Variants in FAIM2 observed in about 807,000 individuals in gnomAD.
FAIM2 encodes the protein protein lifeguard 2.
A neutral mutation model predicts 47.4 loss-of-function variants in FAIM2; 27 were observed. The ratio of observed to expected loss-of-function variants is 0.57; its 90% CI spans 0.42 to 0.78. FAIM2 has a LOEUF of 0.78. FAIM2 is among the 30% of genes least tolerant of loss of function. The pLI, the probability that FAIM2 is intolerant of heterozygous loss-of-function variation, is 0.00. For missense variants in FAIM2, 311 were observed against 389.4 expected (o/e 0.80, Z 1.69); for synonymous variants, 156 against 159.3 (o/e 0.98, Z 0.16).
At chr12:49,878,705 TGCATATATGCGTGTGTGTCTGTGTGC>T (rs1946767409) in intron 11 of FAIM2, among the ~76,000 whole-genome samples, 1 of 108,820 alleles carries the variant, frequency 9.2e-6, no homozygotes. Context: ...TGTGCATGTG[TGCATATATGCGTGTGTGTCTGTGTGC>T]ATGTGAGTGT....
intron 11 of FAIM2, among the ~76,000 whole-genome samples, chr12:49,880,314 A>G (rs2137088773): frequency 7.1e-6 from 1 of 140,996 alleles, no homozygotes; most frequent in African/African-American, 2.8e-5. Flanking sequence ...GCATGTGTGT[A>G]TGTGTATGTG....
chr12:49,879,252 ATG>A lies in FAIM2; in HGVS notation c.801+8132_801+8133del, dbSNP rs1215732241. 1.2e-4 allele frequency among the ~76,000 whole-genome samples: 13 copies of A among 112,424 alleles called. 3 individuals carry two copies. Among genetic ancestry groups the A allele is most frequent in the South Asian group, 6.6e-4 (2 of 3,014 alleles). 73.8% of individuals were successfully genotyped at this position (112,424 alleles called of 152,430 possible). On this transcript the variant is annotated intron_variant, in intron 11 of 11. Transcript: ENST00000320634. ...TGTATGTATGCATGCATGTGTGTGCATGTGTGTATGTGTGCATGTGTATATGT... is the reference window on the plus strand; with the variant it reads ...TGTATGTATGCATGCATGTGTGTGCATGTGTATGTGTGCATGTGTATATGT...
At chr12:49,887,729 G>A (rs768053978) in intron 10 of FAIM2, among the ~76,000 whole-genome samples, 7 of 152,074 alleles carry the variant, frequency 4.6e-5, no homozygotes, top group Non-Finnish European at 7.4e-5. Context: ...GATGACTCTC[G>A]GTGGGCCCTG....
In FAIM2 at chr12:49,867,084, G is replaced by A. The variant is rs1946667983; in HGVS notation, c.*3420C>T. On this transcript the variant is annotated 3_prime_UTR_variant, in exon 12 of 12. Coordinates refer to ENST00000320634, the MANE Select transcript of FAIM2 (RefSeq NM_012306.4). ...GCTGTGTCTGCCCTCAGGGACTCAG[G>A]AGAACGGCTCAGGGAGGGCTTGGGA... 1 of 152,168 alleles carries A rather than the reference G, an allele frequency of 6.6e-6. No homozygotes were observed. Among genetic ancestry groups the A allele is most frequent in the African/African-American group, 2.4e-5 (1 of 41,412 alleles). 9.4% of individuals were successfully genotyped at this position (152,168 alleles called of 1,614,324 possible). A position where few individuals can be genotyped will look rare whatever the true frequency, so the allele number is the denominator to read the frequency against.
rs1420277021 is a variant in FAIM2, at chr12:49,880,182, ATG to A, written c.801+7202_801+7203del. ...TGCATGTGTGTATGTGTGTGTATGC[ATG>A]TGTGTATATGTGCATGTGTGTGTGC... On this transcript the variant is annotated intron_variant, in intron 11 of 11. Transcript: ENST00000320634. 2.8e-3 allele frequency among the ~76,000 whole-genome samples: 319 copies of A among 115,020 alleles called. 2 individuals carry two copies. The highest frequency in any genetic ancestry group is 0.016 in the Middle Eastern group (3 of 186). The allele number at this position is 115,020 out of a possible 152,430, so 75.5% of individuals were successfully genotyped here.
chr12:49,894,493 G>A (rs536915526), intron 5 of FAIM2, among the ~76,000 whole-genome samples: 1 of 152,274 alleles, frequency 6.6e-6, no homozygotes, highest in East Asian at 1.9e-4. Flanking sequence ...GGGGGAGGCT[G>A]GCAGCCCAGG....
intron 11 of FAIM2, among the ~76,000 whole-genome samples, chr12:49,879,792 ATG>A (rs925912351): frequency 1.5e-4 from 21 of 142,092 alleles, no homozygotes; most frequent in Non-Finnish European, 2.8e-4. Context: ...GCATGTGTGT[ATG>A]TGTGCATACG....
intron 1 of FAIM2, 89 bp downstream of exon 1, chr12:49,903,689 G>A (rs1314393889): frequency 6.0e-6 from 9 of 1,489,634 alleles, no homozygotes; most frequent in Non-Finnish European, 8.2e-6. Context: ...AGGGGAGGAT[G>A]CTTTCGTGGT....
chr12:49,897,594 G>A lies in FAIM2; in HGVS notation c.316-11C>T, dbSNP rs375141350. 2.4e-5 allele frequency: 39 copies of A among 1,612,230 alleles called. No homozygotes were observed. Among genetic ancestry groups the A allele is most frequent in the Non-Finnish European group, 3.1e-5 (36 of 1,178,802 alleles). On this transcript the variant is annotated splice_polypyrimidine_tract_variant and intron_variant, in intron 3 of 11. Coordinates refer to ENST00000320634, the MANE Select transcript of FAIM2 (RefSeq NM_012306.4). The stretch of plus-strand genomic sequence containing the variant: ...CAGGATGGTGTAGACCTGGGGGTGG[G>A]AGGGGTTCTACTCAGCTTGGGGGGC...
At chr12:49,890,209 G>A in intron 7 of FAIM2, 55 bp from the exon 8 acceptor site, 1 of 1,570,148 alleles carries the variant, frequency 6.4e-7, no homozygotes, top group Non-Finnish European at 8.8e-7. Flanking sequence ...AGGGGCCCAG[G>A]CACCCTCGAG....
At chr12:49,897,653 A>C (rs1946947797) in intron 3 of FAIM2, 70 bp from the exon 4 acceptor site, 7 of 1,164,626 alleles carry the variant, frequency 6.0e-6, no homozygotes, top group Non-Finnish European at 8.9e-6. Flanking sequence ...GCAGTGACTC[A>C]GTCACCTCTC....
intron 11 of FAIM2, among the ~76,000 whole-genome samples, chr12:49,886,966 GTC>G (rs1445837072): frequency 2.0e-5 from 3 of 152,208 alleles, no homozygotes; most frequent in Admixed American, 1.3e-4. Context: ...CAATCTAACA[GTC>G]TCTCTCTCAG....
At chr12:49,872,280 A>C (rs774207317) in intron 11 of FAIM2, among the ~76,000 whole-genome samples, 3 of 152,176 alleles carry the variant, frequency 2.0e-5, no homozygotes, top group Admixed American at 6.5e-5. Flanking sequence ...GACCCAGGAG[A>C]GGTGGCATTT....
rs929370652 is a variant in FAIM2, at chr12:49,874,733, G to A, written c.802-4080C>T. On this transcript the variant is annotated intron_variant, in intron 11 of 11. Coordinates refer to ENST00000320634, the MANE Select transcript of FAIM2 (RefSeq NM_012306.4). This position sits in a 1 kb window ranked among gnomAD's most constrained non-coding sequence, Gnocchi z 4.2. ...TGTATCAGCATAAACAGTGCCACGT[G>A]GACTGTGTCTGTCCTGCATAAATGC... is the stretch of plus-strand genomic sequence containing the variant. Among the ~76,000 whole-genome samples, 11 of 152,228 alleles carry A rather than the reference G, an allele frequency of 7.2e-5. No homozygotes were observed. Among genetic ancestry groups the A allele is most frequent in the Non-Finnish European group, 1.5e-4 (10 of 68,038 alleles).
chr12:49,893,889 C>T (rs1946917413), intron 5 of FAIM2, among the ~76,000 whole-genome samples: 1 of 152,168 alleles, frequency 6.6e-6, no homozygotes, highest in Non-Finnish European at 1.5e-5. Flanking sequence ...ATAATAATAC[C>T]CTTGTCCATG....
chr12:49,882,527 A>G (rs944583870), intron 11 of FAIM2, among the ~76,000 whole-genome samples: 2 of 152,162 alleles, frequency 1.3e-5, no homozygotes, highest in African/African-American at 2.4e-5. Flanking sequence ...GGATGGAGCC[A>G]GGGGAACTGG....
intron 11 of FAIM2, among the ~76,000 whole-genome samples, chr12:49,875,546 C>T (rs187632910): frequency 3.2e-4 from 49 of 152,278 alleles, no homozygotes; most frequent in Non-Finnish European, 5.0e-4. Flanking sequence ...TTAGATGGCA[C>T]AGACAACATT....
At chr12:49,882,637 C>T (rs1156570780) in intron 11 of FAIM2, among the ~76,000 whole-genome samples, 1 of 152,156 alleles carries the variant, frequency 6.6e-6, no homozygotes, top group Non-Finnish European at 1.5e-5. Context: ...CACTGCAGTT[C>T]CCCCTCCCCT....
At chr12:49,879,706 G>GTA (rs576873112) in intron 11 of FAIM2, among the ~76,000 whole-genome samples, 73,860 of 149,732 alleles carry the variant, frequency 0.49, 18,383 homozygotes, top group African/African-American at 0.53. Context: ...GTGCATGTGT[G>GTA]TGTGTGTGTA....
Sources: gnomAD v4.1 joint callset for allele counts (sites outside exome capture counted in the v4.1 genomes callset) on GRCh38, gnomAD v4.1.1 for gene constraint, Gnocchi (gnomAD v3.1) non-coding constraint, MANE v1.5 for transcripts, NCBI Gene and HGNC (gene_info 2026-07-23, HGNC 2026-07-21) for gene names.